RAD51B: variants seen among roughly 807,000 people sequenced by gnomAD.
RAD51B encodes DNA repair protein RAD51 homolog 2.
RAD51B carries 38 observed loss-of-function variants against 42.2 expected under a neutral mutation model. That is an observed-to-expected ratio of 0.90 (90% confidence interval 0.70 to 1.18). The LOEUF is 1.18. RAD51B is among the 50% of genes most tolerant of loss of function. The pLI, the probability that RAD51B is intolerant of heterozygous loss-of-function variation, is 0.00. For synonymous variants in RAD51B, 154 were observed against 145.2 expected (o/e 1.06, Z -0.43); for missense variants, 373 against 400.7 (o/e 0.93, Z 0.59).
chr14:68,439,809 G>A (rs1181687037), intron 9 of RAD51B, among the ~76,000 whole-genome samples: 1 of 152,342 alleles, frequency 6.6e-6, no homozygotes, highest in South Asian at 2.1e-4. Flanking sequence ...GGGGTTGGGG[G>A]TTTGAAACCA....
At chr14:67,836,901 A>C (rs1164940326) in intron 4 of RAD51B, among the ~76,000 whole-genome samples, 2 of 152,208 alleles carry the variant, frequency 1.3e-5, no homozygotes, top group African/African-American at 4.8e-5. Flanking sequence ...TTCTTGCTTG[A>C]AAGTTCTAGG....
At chr14:67,854,182 A>G (rs2041910689) in intron 4 of RAD51B, among the ~76,000 whole-genome samples, 3 of 152,214 alleles carry the variant, frequency 2.0e-5, no homozygotes. Flanking sequence ...CATATACTGT[A>G]TATCTGTTTT....
intron 7 of RAD51B, among the ~76,000 whole-genome samples, chr14:67,968,005 G>A (rs2074819765): frequency 6.6e-6 from 1 of 152,176 alleles, no homozygotes; most frequent in Non-Finnish European, 1.5e-5. Context: ...TGAAATCTAG[G>A]TGGAGGTTCC....
intron 7 of RAD51B, among the ~76,000 whole-genome samples, chr14:67,999,434 C>T (rs2075440890): frequency 6.6e-6 from 1 of 152,168 alleles, no homozygotes; most frequent in Admixed American, 6.5e-5. Context: ...GTGCCTTTGT[C>T]TTCAAAGATC....
intron 7 of RAD51B, among the ~76,000 whole-genome samples, chr14:68,154,708 TC>T (rs1372358579): frequency 2.0e-5 from 3 of 151,970 alleles, no homozygotes; most frequent in Admixed American, 2.0e-4. Context: ...TTTTTTTTTT[TC>T]CCTCATCTCT....
chr14:68,534,152 C>T (rs558691154), intron 10 of RAD51B, among the ~76,000 whole-genome samples: 2 of 152,046 alleles, frequency 1.3e-5, no homozygotes, highest in African/African-American at 2.4e-5. Context: ...TGGTGGTCGG[C>T]GTATAACAAT....
intron 7 of RAD51B, among the ~76,000 whole-genome samples, chr14:67,973,798 T>C (rs562063007): frequency 6.6e-6 from 1 of 152,288 alleles, no homozygotes; most frequent in South Asian, 2.1e-4. Flanking sequence ...ATCAGGACCA[T>C]TTTAAAAATT....
chr14:67,895,964 T>A (rs568199907), intron 7 of RAD51B, among the ~76,000 whole-genome samples: 1 of 152,352 alleles, frequency 6.6e-6, no homozygotes, highest in South Asian at 2.1e-4. Context: ...CTACCTTCTT[T>A]TGTAGTACAC....
intron 7 of RAD51B, among the ~76,000 whole-genome samples, chr14:68,231,712 G>A (rs1258126132): frequency 6.6e-6 from 1 of 152,164 alleles, no homozygotes; most frequent in Non-Finnish European, 1.5e-5. Context: ...TTTAATGAAT[G>A]GAGAAGGACT....
intron 7 of RAD51B, among the ~76,000 whole-genome samples, chr14:68,150,234 G>A (rs986613608): frequency 2.0e-5 from 3 of 152,176 alleles, no homozygotes; most frequent in Admixed American, 2.0e-4. Flanking sequence ...ATCAGCCACC[G>A]TGCCCAGCCT....
At chr14:67,827,806 A>G (rs1197636629) in intron 3 of RAD51B, among the ~76,000 whole-genome samples, 1 of 152,194 alleles carries the variant, frequency 6.6e-6, no homozygotes. Flanking sequence ...ATGCCCCTGC[A>G]AAGGACATAA....
intron 7 of RAD51B, among the ~76,000 whole-genome samples, chr14:67,909,948 A>G (rs2043912991): frequency 6.6e-6 from 1 of 152,216 alleles, no homozygotes; most frequent in Admixed American, 6.5e-5. Flanking sequence ...GAGCCACCAC[A>G]TGTGGCCAAA....
intron 7 of RAD51B, among the ~76,000 whole-genome samples, chr14:68,240,326 AGGGAAGGACAGACAAT>A (rs2080356526): frequency 6.6e-6 from 1 of 152,236 alleles, no homozygotes. Context: ...ACAGCCACTT[AGGGAAGGACAGACAAT>A]AAACAGGAAC....
chr14:68,648,118 T>C (rs1892616669), intron 10 of RAD51B, among the ~76,000 whole-genome samples: 2 of 89,078 alleles, frequency 2.2e-5, no homozygotes, highest in South Asian at 8.1e-4. Context: ...CACACGTATA[T>C]ATATATACAC....
intron 7 of RAD51B, among the ~76,000 whole-genome samples, chr14:68,158,895 G>A (rs2078575214): frequency 6.6e-6 from 1 of 152,146 alleles, no homozygotes; most frequent in Non-Finnish European, 1.5e-5. Context: ...GAACTGCCTA[G>A]AAGAAAGACT....
At chr14:67,931,363 T>A (rs1022606203) in intron 7 of RAD51B, among the ~76,000 whole-genome samples, 1 of 152,176 alleles carries the variant, frequency 6.6e-6, no homozygotes, top group African/African-American at 2.4e-5. Context: ...TGTTTCTTTT[T>A]TATTCTATCA....
rs540270245 is a variant in RAD51B, at chr14:68,661,808, C to A, written c.*11+10952C>A. ...GGGAAGCCAACTCACCACCTCACGT[C>A]CCACTCTGACTGCCAGCAGGTTGTG... On this transcript the variant is annotated intron_variant, in intron 11 of 11. Coordinates refer to the RAD51B transcript ENST00000488612. Among the ~76,000 whole-genome samples the A allele has an allele frequency of 7.2e-5, 11 of 152,332 alleles. No homozygotes were observed. In the East Asian group the frequency reaches 2.1e-3, roughly 29 times the overall value.
At chr14:68,329,920 T>C (rs988390684) in intron 8 of RAD51B, among the ~76,000 whole-genome samples, 3 of 147,066 alleles carry the variant, frequency 2.0e-5, no homozygotes, top group Non-Finnish European at 4.4e-5. Flanking sequence ...AGGTGGAGTG[T>C]GCAGTGAGCC....
At chr14:68,096,268 A>G (rs554533236) in intron 7 of RAD51B, among the ~76,000 whole-genome samples, 3 of 152,288 alleles carry the variant, frequency 2.0e-5, no homozygotes, top group Admixed American at 2.0e-4. Context: ...GAAAATTTGT[A>G]TTCAGGCTCC....
Sources: gnomAD v4.1 joint callset for allele counts (sites outside exome capture counted in the v4.1 genomes callset) on GRCh38, gnomAD v4.1.1 for gene constraint, MANE v1.5 for transcripts, NCBI Gene and HGNC (gene_info 2026-07-23, HGNC 2026-07-21) for gene names.